The following GMPS variants were observed in gnomAD, a reference collection of about 807,000 sequenced individuals.
GMPS encodes guanosine monophosphate synthase, also known as GMP synthase [glutamine-hydrolyzing].
GMPS carries 15 observed loss-of-function variants against 77.9 expected under a neutral mutation model. The observed-to-expected ratio is 0.19, with a 90% CI of 0.13 to 0.30. GMPS has a LOEUF of 0.30. Among genes scored for constraint, GMPS ranks in the 10% least tolerant of loss-of-function variants. GMPS has a pLI of 1.00. For missense variants in GMPS, 590 were observed against 838.8 expected (o/e 0.70, Z 3.66); for synonymous variants, 224 against 275.9 (o/e 0.81, Z 1.86).
rs1753887033 is a variant in GMPS, at chr3:155,870,857, C to T, written c.-14C>T. Reference sequence around the variant, plus strand: ...ACTGTCGCCGTCACCGCCGCGGCTCCGGCCCTGGCCCCGATGGCTCTGTGC... The same window carrying T: ...ACTGTCGCCGTCACCGCCGCGGCTCTGGCCCTGGCCCCGATGGCTCTGTGC... On this transcript the variant is annotated 5_prime_UTR_variant, in exon 1 of 16. Coordinates refer to ENST00000496455, the MANE Select transcript of GMPS (RefSeq NM_003875.3). The T allele has an allele frequency of 2.0e-6, 3 of 1,500,464 alleles. No individual in the cohort carries two copies. The highest frequency in any genetic ancestry group is 1.4e-5 in the African/African-American group (1 of 69,112). The allele number at this position is 1,500,464 out of a possible 1,614,324, so 92.9% of individuals were successfully genotyped here.
intron 1 of GMPS, among the ~76,000 whole-genome samples, chr3:155,872,073 G>T (rs1367403325): frequency 2.0e-5 from 3 of 152,128 alleles, no homozygotes; most frequent in South Asian, 2.1e-4. Context: ...ATTTCATTCG[G>T]GGGGTGGGAT....
intron 5 of GMPS, among the ~76,000 whole-genome samples, chr3:155,907,629 G>T (rs1457679686): frequency 6.6e-6 from 1 of 152,030 alleles, no homozygotes; most frequent in Non-Finnish European, 1.5e-5. Flanking sequence ...TAGCAAAAAT[G>T]CTTGTTTAAC....
rs770310364 is a variant in GMPS, at chr3:155,915,983, T to C, written c.1039-36T>C. 26 of 1,489,424 alleles carry C rather than the reference T, an allele frequency of 1.7e-5. No individual in the cohort carries two copies. In the Admixed American group the frequency reaches 2.3e-4, roughly 13 times the overall value. 92.3% of individuals were successfully genotyped at this position (1,489,424 alleles called of 1,614,324 possible). On this transcript the variant is annotated intron_variant, in intron 8 of 15. Coordinates refer to ENST00000496455, the MANE Select transcript of GMPS (RefSeq NM_003875.3). ...AAACTTTTGCTTTTAAAAAAAGTTA[T>C]CTCTTACAAGGCTGTTTTACTCCTG...
intron 1 of GMPS, among the ~76,000 whole-genome samples, chr3:155,879,949 A>T (rs1478991174): frequency 1.4e-5 from 1 of 70,242 alleles, no homozygotes; most frequent in African/African-American, 5.2e-5. Context: ...TTGAGTTTTA[A>T]GAGTTTTTTT....
Position 155,922,263 on chromosome 3 carries a change from T to A in GMPS, c.1395T>A (p.Ile465=). ...ICKDFPETNN[I]LKIVADFSAS... ...AGGACTTTCCTGAAACCAACAATAT[T>A]TTGAAAATAGTAGCTGATTTTTCTG... is the stretch of plus-strand genomic sequence containing the variant. The change falls in exon 11 of 16, where the codon ATT becomes ATA. Residue 465 remains isoleucine (I), a synonymous_variant. Coordinates refer to ENST00000496455, the MANE Select transcript of GMPS (RefSeq NM_003875.3). The A allele has an allele frequency of 6.5e-7, 1 of 1,541,812 alleles. No individual in the cohort carries two copies. The highest frequency in any genetic ancestry group is 2.3e-5 in the East Asian group (1 of 42,846).
At chr3:155,923,789 A>G (rs1462496268) in intron 11 of GMPS, among the ~76,000 whole-genome samples, 1 of 152,192 alleles carries the variant, frequency 6.6e-6, no homozygotes, top group Non-Finnish European at 1.5e-5. Flanking sequence ...ACTATTCTTG[A>G]CATATAGCCC....
At chr3:155,883,026 C>T (rs1178034602) in intron 1 of GMPS, among the ~76,000 whole-genome samples, 2 of 152,156 alleles carry the variant, frequency 1.3e-5, no homozygotes, top group African/African-American at 4.8e-5. Context: ...CTACCACATA[C>T]TAAATACTTG....
chr3:155,872,992 G>T (rs1753940342), intron 1 of GMPS, among the ~76,000 whole-genome samples: 1 of 152,058 alleles, frequency 6.6e-6, no homozygotes, highest in African/African-American at 2.4e-5. Context: ...TTTCTAAGAG[G>T]CCCACCTGGA....
intron 12 of GMPS, among the ~76,000 whole-genome samples, chr3:155,929,331 T>C (rs62287800): frequency 0.054 from 8,276 of 152,216 alleles, 316 homozygotes; most frequent in East Asian, 0.18. Context: ...TGCATAAATG[T>C]CTTCTTTTGA....
chr3:155,885,044 C>T (rs1384718585), intron 1 of GMPS, among the ~76,000 whole-genome samples: 1 of 152,092 alleles, frequency 6.6e-6, no homozygotes, highest in Non-Finnish European at 1.5e-5. Context: ...CAAACTGGTT[C>T]AGTTAAGGAG....
At chr3:155,923,039 G>A (rs1755355842) in intron 11 of GMPS, among the ~76,000 whole-genome samples, 2 of 152,028 alleles carry the variant, frequency 1.3e-5, no homozygotes, top group African/African-American at 4.8e-5. Flanking sequence ...TAGAAGTATG[G>A]CACCATGAAT....
chr3:155,936,051 G>A (rs1043389054), intron 14 of GMPS, among the ~76,000 whole-genome samples: 5 of 152,178 alleles, frequency 3.3e-5, no homozygotes, highest in Admixed American at 6.5e-5. Context: ...TTGCAGTGTA[G>A]AATATAACTA....
At chr3:155,914,910 A>G (rs1369306810) in intron 8 of GMPS, among the ~76,000 whole-genome samples, 1 of 151,956 alleles carries the variant, frequency 6.6e-6, no homozygotes, top group Non-Finnish European at 1.5e-5. Flanking sequence ...CTGGGACTAC[A>G]GGGGTGCACC....
chr3:155,903,595 C>G (rs1377330263), intron 3 of GMPS, among the ~76,000 whole-genome samples: 1 of 152,158 alleles, frequency 6.6e-6, no homozygotes, highest in Admixed American at 6.6e-5. Context: ...CATTAAAGTA[C>G]ACTAAGTGGA....
chr3:155,875,633 T>C (rs1486872719), intron 1 of GMPS, among the ~76,000 whole-genome samples: 1 of 152,268 alleles, frequency 6.6e-6, no homozygotes, highest in Non-Finnish European at 1.5e-5. Flanking sequence ...TGAAGCACTT[T>C]GTGAATCAAC....
chr3:155,913,058 G>GGTTCT (rs1755081083), intron 7 of GMPS, among the ~76,000 whole-genome samples: 1 of 152,202 alleles, frequency 6.6e-6, no homozygotes, highest in Non-Finnish European at 1.5e-5. Context: ...GTGGAGGTAA[G>GGTTCT]ACTCTACATT....
chr3:155,904,575 C>T (rs532564279), intron 4 of GMPS, among the ~76,000 whole-genome samples: 2 of 152,248 alleles, frequency 1.3e-5, no homozygotes, highest in East Asian at 3.9e-4. Flanking sequence ...AGGTGTGAGC[C>T]ACTGCACCCT....
At chr3:155,931,683 TAAA>T (rs60448476) in intron 12 of GMPS, 79 bp from the exon 13 acceptor site, 70 of 398,830 alleles carry the variant, frequency 1.8e-4, no homozygotes, top group South Asian at 3.0e-4. Flanking sequence ...CTTTTTTTTT[TAAA>T]AAAAAAAAAA....
chr3:155,908,637 A>G (rs1323308535), intron 5 of GMPS, among the ~76,000 whole-genome samples: 6 of 152,194 alleles, frequency 3.9e-5, no homozygotes, highest in African/African-American at 1.4e-4. Context: ...TGTTAGATTG[A>G]ATATGGAGTG....
Sources: gnomAD v4.1 joint callset for allele counts (sites outside exome capture counted in the v4.1 genomes callset) on GRCh38, gnomAD v4.1.1 for gene constraint, MANE v1.5 for transcripts, NCBI Gene and HGNC (gene_info 2026-07-23, HGNC 2026-07-21) for gene names.